The following CD86 variants were observed in gnomAD, a reference collection of about 807,000 sequenced individuals.
CD86 encodes T-lymphocyte activation antigen CD86.
CD86 carries 11 observed loss-of-function variants against 32.1 expected under a neutral mutation model. The ratio of observed to expected loss-of-function variants is 0.34; its 90% CI spans 0.22 to 0.57. CD86 has a LOEUF of 0.57. Among genes scored for constraint, CD86 ranks in the 20% least tolerant of loss-of-function variants. The pLI is 0.86. For missense variants in CD86, 359 were observed against 398.4 expected, an observed-to-expected ratio of 0.90 and a Z score of 0.84; for synonymous variants, 137 against 135.3, an observed-to-expected ratio of 1.01 and a Z score of -0.09.
At chr3:122,067,687 G>A (rs976423848) in intron 1 of CD86, among the ~76,000 whole-genome samples, 3 of 152,280 alleles carry the variant, frequency 2.0e-5, no homozygotes, top group East Asian at 3.9e-4. Flanking sequence ...TAAAACTGTA[G>A]CCAGCTAGTG....
At chr3:122,069,485 G>A (rs893359498) in intron 1 of CD86, among the ~76,000 whole-genome samples, 5 of 152,104 alleles carry the variant, frequency 3.3e-5, no homozygotes, top group Admixed American at 2.0e-4. Flanking sequence ...TGAAACCTTG[G>A]CCAACCCCTG....
At chr3:122,116,357 G>T (rs1365565100) in intron 5 of CD86, among the ~76,000 whole-genome samples, 2 of 152,076 alleles carry the variant, frequency 1.3e-5, no homozygotes, top group African/African-American at 4.8e-5. Context: ...CATAACAGAA[G>T]AAGATATACA....
intron 5 of CD86, among the ~76,000 whole-genome samples, chr3:122,112,865 T>C (rs748065753): frequency 6.6e-6 from 1 of 152,222 alleles, no homozygotes; most frequent in Non-Finnish European, 1.5e-5. Flanking sequence ...TGAATAGTTT[T>C]TTGGGAACTA....
At chr3:122,101,821 G>C (rs182378765) in intron 2 of CD86, among the ~76,000 whole-genome samples, 1 of 152,056 alleles carries the variant, frequency 6.6e-6, no homozygotes, top group Non-Finnish European at 1.5e-5. Context: ...GGTTTGCCTT[G>C]TAAGGTGATT....
At chr3:122,099,197 A>G (rs1177533109) in intron 2 of CD86, among the ~76,000 whole-genome samples, 2 of 152,206 alleles carry the variant, frequency 1.3e-5, no homozygotes, top group African/African-American at 4.8e-5. Context: ...TTGGGAAAGA[A>G]TAGAGCATTT....
intron 1 of CD86, among the ~76,000 whole-genome samples, chr3:122,086,821 C>G (rs2072729902): frequency 6.6e-6 from 1 of 152,204 alleles, no homozygotes; most frequent in Admixed American, 6.5e-5. Flanking sequence ...CTGTGCTGCT[C>G]CCGTCTGTCT....
At chr3:122,065,627 T>G (rs897761064) in intron 1 of CD86, among the ~76,000 whole-genome samples, 19 of 152,164 alleles carry the variant, frequency 1.2e-4, no homozygotes, top group African/African-American at 4.6e-4. Context: ...TATGAGCTGC[T>G]TGGATGCTGC....
intron 1 of CD86, among the ~76,000 whole-genome samples, chr3:122,084,014 T>TCTTA (rs1576768413): frequency 6.6e-6 from 1 of 152,074 alleles, no homozygotes; most frequent in East Asian, 1.9e-4. Context: ...TGAGATGGAG[T>TCTTA]CTTACTCTGT....
At chr3:122,107,911 G>A (rs2073116642) in intron 4 of CD86, among the ~76,000 whole-genome samples, 4 of 152,226 alleles carry the variant, frequency 2.6e-5, no homozygotes, top group Admixed American at 2.0e-4. Flanking sequence ...GAGCCAACTC[G>A]TCCTGTCCCA....
intron 1 of CD86, among the ~76,000 whole-genome samples, chr3:122,055,964 A>G (rs574471341): frequency 1.1e-4 from 16 of 152,320 alleles, no homozygotes; most frequent in African/African-American, 3.8e-4. Flanking sequence ...CTCAGTTAAT[A>G]TGTCATAATC....
At position 122,118,051 on chromosome 3, in the gene CD86, C is replaced by A; in HGVS notation, c.851C>A (p.Thr284Asn). The change falls in exon 6 of 7, where the codon ACC becomes AAC. Residue 284 changes from threonine (T) to asparagine (N), a missense_variant. Physicochemically the swap from Thr to Asn is moderately conservative, Grantham distance 65 (BLOSUM62 0). Coordinates refer to ENST00000330540, the MANE Select transcript of CD86 (RefSeq NM_175862.5). The stretch of plus-strand genomic sequence containing the variant: ...GATTGTTCTTGGTGTCTTTCAGGAA[C>A]CAACACAATGGAGAGGGAAGAGAGT... The part of the protein sequence containing the change: ...KRPRNSYKCG[T>N]NTMEREESEQ... 1.2e-6 allele frequency: 2 copies of A among 1,613,112 alleles called. No homozygotes were observed. The highest frequency in any genetic ancestry group is 1.7e-6 in the Non-Finnish European group (2 of 1,179,306).
In CD86 at chr3:122,118,054, A is replaced by G. The variant is rs2073281842; in HGVS notation, c.854A>G (p.Asn285Ser). ...TGTTCTTGGTGTCTTTCAGGAACCA[A>G]CACAATGGAGAGGGAAGAGAGTGAA... is the stretch of plus-strand genomic sequence containing the variant. Reference protein sequence around the residue: ...RPRNSYKCGTNTMEREESEQT... With the variant: ...RPRNSYKCGTSTMEREESEQT... Residue 285 changes from asparagine (N) to serine (S), a missense_variant, in exon 6 of 7, where the codon AAC becomes AGC. Coordinates refer to ENST00000330540, the MANE Select transcript of CD86 (RefSeq NM_175862.5). The G allele has an allele frequency of 3.1e-6, 5 of 1,613,408 alleles. No individual in the cohort carries two copies. In the East Asian group the frequency reaches 6.7e-5, roughly 22 times the overall value.
chr3:122,086,463 C>T, intron 1 of CD86: 4 of 409,542 alleles, frequency 9.8e-6, no homozygotes, highest in South Asian at 7.0e-5. Flanking sequence ...CATGCTCCTT[C>T]AGACCTCAGA....
Position 122,115,656 on chromosome 3 carries a change from C to T in CD86, c.848-2392C>T, listed in dbSNP as rs193124908. On this transcript the variant is annotated intron_variant, in intron 5 of 6. Coordinates refer to ENST00000330540, the MANE Select transcript of CD86 (RefSeq NM_175862.5). The stretch of plus-strand genomic sequence containing the variant: ...TCTGGAGGCTGAGGCAGGAGAATTG[C>T]TTGAACCCGGGAGGCAGAGGTTGCT... Among the ~76,000 whole-genome samples the T allele has an allele frequency of 2.7e-3, 383 of 140,794 alleles. 1 individual carries two copies. Among genetic ancestry groups the T allele is most frequent in the African/African-American group, 9.2e-3 (353 of 38,372 alleles). The allele number at this position is 140,794 out of a possible 152,430, so 92.4% of individuals were successfully genotyped here.
chr3:122,101,511 A>T (rs200145712), intron 2 of CD86, among the ~76,000 whole-genome samples: 1,301 of 23,760 alleles, frequency 0.055, 3 homozygotes, highest in East Asian at 0.15. Context: ...AAAAAAAAAA[A>T]AAATATATAT....
At chr3:122,063,358 C>A (rs975172186) in intron 1 of CD86, among the ~76,000 whole-genome samples, 1 of 151,744 alleles carries the variant, frequency 6.6e-6, no homozygotes, top group Non-Finnish European at 1.5e-5. Context: ...ACAAGAGCTA[C>A]GGAAACATAT....
intron 1 of CD86, among the ~76,000 whole-genome samples, chr3:122,071,693 C>T (rs2072490205): frequency 6.6e-6 from 1 of 151,818 alleles, no homozygotes; most frequent in African/African-American, 2.4e-5. Flanking sequence ...AAACTATATC[C>T]CAAAGTAGTT....
At chr3:122,105,315 CAT>C (rs1354205579) in intron 3 of CD86, among the ~76,000 whole-genome samples, 1 of 152,204 alleles carries the variant, frequency 6.6e-6, no homozygotes, top group Non-Finnish European at 1.5e-5. Flanking sequence ...CTACAGGCCA[CAT>C]AGACTCCAAG....
intron 5 of CD86, among the ~76,000 whole-genome samples, chr3:122,113,018 C>T (rs1308677128): frequency 1.3e-5 from 2 of 152,226 alleles, no homozygotes; most frequent in East Asian, 1.9e-4. Context: ...ACTCTTTCCT[C>T]TGAGTCCCCA....
Sources: gnomAD v4.1 joint callset for allele counts (sites outside exome capture counted in the v4.1 genomes callset) on GRCh38, gnomAD v4.1.1 for gene constraint, MANE v1.5 for transcripts, NCBI Gene and HGNC (gene_info 2026-07-23, HGNC 2026-07-21) for gene names.